Variants in RANBP2 observed in about 807,000 individuals in gnomAD.
RANBP2 encodes the protein E3 SUMO-protein ligase RanBP2.
RANBP2 carries 57 observed loss-of-function variants against 303.6 expected under a neutral mutation model. That is an observed-to-expected ratio of 0.19 (90% CI 0.15 to 0.23). RANBP2 has a LOEUF of 0.23. Among genes scored for constraint, RANBP2 ranks in the 10% least tolerant of loss-of-function variants. The pLI, the probability that RANBP2 is intolerant of heterozygous loss-of-function variation, is 1.00. For missense variants in RANBP2, 3,138 were observed against 3,780.8 expected (o/e 0.83, Z 4.46); for synonymous variants, 1,167 against 1,301.5 (o/e 0.90, Z 2.23).
the RANBP2 span, among the ~76,000 whole-genome samples, chr2:109,358,492 C>G: frequency 6.6e-6 from 1 of 152,168 alleles, no homozygotes; most frequent in Non-Finnish European, 1.5e-5. Flanking sequence ...TCCAAAGTTG[C>G]TGGGCCATTT....
the RANBP2 span, among the ~76,000 whole-genome samples, chr2:108,854,338 A>G: frequency 6.6e-6 from 1 of 151,596 alleles, no homozygotes; most frequent in Admixed American, 6.6e-5. Flanking sequence ...TAGTCAGACA[A>G]CTAAGGTTTG....
the RANBP2 span, among the ~76,000 whole-genome samples, chr2:109,093,964 C>T: frequency 2.6e-5 from 4 of 152,222 alleles, no homozygotes; most frequent in Non-Finnish European, 5.9e-5. Context: ...ATCTAAGGCT[C>T]TGTTCTGTTT....
At chr2:109,545,506 A>G in the RANBP2 span, 1 of 1,536,154 alleles carries the variant, frequency 6.5e-7, no homozygotes, top group Non-Finnish European at 8.7e-7. Context: ...AAGCTCTGAC[A>G]TCAATGCACA....
chr2:108,862,797 G>GT, the RANBP2 span, among the ~76,000 whole-genome samples: 829 of 150,494 alleles, frequency 5.5e-3, 10 homozygotes, highest in Non-Finnish European at 6.0e-3. Flanking sequence ...GCCACCTTTT[G>GT]TTTTTTTTTA....
chr2:109,142,434 C>T, the RANBP2 span, among the ~76,000 whole-genome samples: 1 of 152,198 alleles, frequency 6.6e-6, no homozygotes, highest in Non-Finnish European at 1.5e-5. Context: ...ATATGTGTCC[C>T]GTGACTTCTT....
At chr2:109,098,454 A>T in the RANBP2 span, among the ~76,000 whole-genome samples, 2 of 152,160 alleles carry the variant, frequency 1.3e-5, no homozygotes, top group African/African-American at 4.8e-5. Flanking sequence ...TAATCCTCAC[A>T]CAAAAGAAGC....
chr2:109,572,258 G>A, the RANBP2 span, among the ~76,000 whole-genome samples: 1 of 152,064 alleles, frequency 6.6e-6, no homozygotes, highest in Non-Finnish European at 1.5e-5. Context: ...AGTCTCCCGA[G>A]TAGCCGGGAC....
At chr2:109,728,974 GGA>G in the RANBP2 span, among the ~76,000 whole-genome samples, 1 of 152,116 alleles carries the variant, frequency 6.6e-6, no homozygotes, top group Non-Finnish European at 1.5e-5. Flanking sequence ...TGTAGTAAAA[GGA>G]TTAAAAAATG....
At chr2:109,687,318 C>T in the RANBP2 span, among the ~76,000 whole-genome samples, 1 of 152,138 alleles carries the variant, frequency 6.6e-6, no homozygotes, top group African/African-American at 2.4e-5. Flanking sequence ...AGCCCTGTAT[C>T]CTTTTGATAG....
At position 108,720,748 on chromosome 2, in the gene RANBP2, A is replaced by C. The variant is rs548965075; in HGVS notation, c.72+1070A>C. ...AGCTACAAGTCACTTTTTATTGTTG[A>C]TGTTAAAAGGATATTGGCGGGGCGC... On this transcript the variant is annotated intron_variant, in intron 1 of 28. Transcript: ENST00000283195. Among the ~76,000 whole-genome samples, 15 of 152,304 alleles carry C rather than the reference A, an allele frequency of 9.8e-5. No individual in the cohort carries two copies. The East Asian group carries it at 2.9e-3, about 29-fold the overall frequency.
At chr2:109,640,207 C>T in the RANBP2 span, among the ~76,000 whole-genome samples, 1 of 151,256 alleles carries the variant, frequency 6.6e-6, no homozygotes, top group Non-Finnish European at 1.5e-5. Flanking sequence ...AATCCCAGCA[C>T]TGTGGAGGCC....
the RANBP2 span, among the ~76,000 whole-genome samples, chr2:109,319,823 CT>C: frequency 6.6e-6 from 1 of 152,218 alleles, no homozygotes; most frequent in African/African-American, 2.4e-5. Flanking sequence ...ACAAAGGCAC[CT>C]CTGTCCCCTT....
chr2:109,426,240 T>G, the RANBP2 span, among the ~76,000 whole-genome samples: 1 of 152,236 alleles, frequency 6.6e-6, no homozygotes, highest in Non-Finnish European at 1.5e-5. Flanking sequence ...ATAGCTGCCA[T>G]AGATGGTGAT....
chr2:108,816,071 C>T, the RANBP2 span: 1 of 1,612,690 alleles, frequency 6.2e-7, no homozygotes, highest in Admixed American at 1.7e-5. Flanking sequence ...AAATTTGCTT[C>T]CCAGAGAAAT....
the RANBP2 span, among the ~76,000 whole-genome samples, chr2:109,548,876 C>A: frequency 6.7e-6 from 1 of 149,012 alleles, no homozygotes; most frequent in African/African-American, 2.5e-5. Flanking sequence ...AAACTCTGGT[C>A]TAATAAAACT....
At chr2:109,155,791 G>A in the RANBP2 span, among the ~76,000 whole-genome samples, 1 of 152,250 alleles carries the variant, frequency 6.6e-6, no homozygotes, top group Non-Finnish European at 1.5e-5. Context: ...GCTGGTGTGT[G>A]TGAATAACGT....
the RANBP2 span, among the ~76,000 whole-genome samples, chr2:109,629,203 A>AAAATAAATAAAT: frequency 0.17 from 20,171 of 118,152 alleles, 1,975 homozygotes; most frequent in African/African-American, 0.2. Context: ...CTCCGTCTCA[A>AAAATAAATAAAT]AAATAAATAA....
the RANBP2 span, among the ~76,000 whole-genome samples, chr2:109,532,358 C>T: frequency 1.3e-5 from 2 of 152,112 alleles, no homozygotes; most frequent in Non-Finnish European, 2.9e-5. Context: ...TTTTATACTT[C>T]CAAAGCCCTA....
the RANBP2 span, among the ~76,000 whole-genome samples, chr2:108,961,274 C>T: frequency 6.6e-6 from 1 of 151,810 alleles, no homozygotes; most frequent in African/African-American, 2.4e-5. Flanking sequence ...AGTCCTTTCC[C>T]TCCTAAATAA....
Sources: gnomAD v4.1 joint callset for allele counts (sites outside exome capture counted in the v4.1 genomes callset) on GRCh38, gnomAD v4.1.1 for gene constraint, MANE v1.5 for transcripts, NCBI Gene and HGNC (gene_info 2026-07-23, HGNC 2026-07-21) for gene names.